Variants in IL7 observed in about 807,000 individuals in gnomAD.
IL7 encodes the protein interleukin 7.
A neutral mutation model predicts 21.6 loss-of-function variants in IL7; 3 were observed. That is an observed-to-expected ratio of 0.14 (90% CI 0.06 to 0.36). The LOEUF (loss-of-function observed/expected upper bound fraction) is 0.36. IL7 is among the 10% of genes least tolerant of loss of function. The pLI is 1.00. For synonymous variants in IL7, 62 were observed against 68.1 expected (o/e 0.91, Z 0.44); for missense variants, 175 against 200.2 (o/e 0.87, Z 0.76).
chr8:78,739,292 T>G (rs1351460883), intron 3 of IL7, among the ~76,000 whole-genome samples: 1 of 152,170 alleles, frequency 6.6e-6, no homozygotes, highest in Admixed American at 6.5e-5. Context: ...CATTTAGAGA[T>G]AAGCAAATAT....
intron 2 of IL7, among the ~76,000 whole-genome samples, chr8:78,754,838 T>C (rs1586072723): frequency 6.6e-6 from 1 of 152,264 alleles, no homozygotes; most frequent in East Asian, 1.9e-4. Context: ...TTTAGTTTAA[T>C]ACAGTCACAT....
At chr8:78,701,063 A>C (rs1435319182) in intron 3 of IL7, among the ~76,000 whole-genome samples, 1 of 152,194 alleles carries the variant, frequency 6.6e-6, no homozygotes, top group Non-Finnish European at 1.5e-5. Context: ...ATAGCATTGA[A>C]TCTATAAATT....
chr8:78,694,489 T>A (rs1810332477), intron 3 of IL7, among the ~76,000 whole-genome samples: 1 of 152,180 alleles, frequency 6.6e-6, no homozygotes, highest in Non-Finnish European at 1.5e-5. Context: ...ATTGGCTTAG[T>A]TTGCTTGACC....
chr8:78,695,460 C>T (rs888777854), intron 3 of IL7, among the ~76,000 whole-genome samples: 53 of 152,136 alleles, frequency 3.5e-4, no homozygotes, highest in African/African-American at 1.1e-3. Context: ...GCCACATCAG[C>T]GCACTTTGTT....
intron 3 of IL7, among the ~76,000 whole-genome samples, chr8:78,692,263 A>G (rs925541731): frequency 6.6e-6 from 1 of 151,964 alleles, no homozygotes; most frequent in Non-Finnish European, 1.5e-5. Flanking sequence ...ATTGTTTTAG[A>G]TTCTACATGT....
chr8:78,717,291 C>G (rs780097833), downstream of IL7: 1 of 1,583,258 alleles, frequency 6.3e-7, no homozygotes. Flanking sequence ...ACTACTGATA[C>G]AAACTTTATC....
rs1293219444 is a variant in IL7 at position 78,733,444 on chromosome 8, TTG to T, written c.*267_*268del. The T allele has an allele frequency of 3.7e-6, 1 of 270,238 alleles. No homozygotes were observed. The highest frequency in any genetic ancestry group is 2.3e-5 in the African/African-American group (1 of 44,412). 16.7% of individuals were successfully genotyped at this position (270,238 alleles called of 1,614,324 possible). On this transcript the variant is annotated 3_prime_UTR_variant, in exon 6 of 6. Coordinates refer to ENST00000263851, the MANE Select transcript of IL7 (RefSeq NM_000880.4). ...TATTGCAACTGATACCTTACATGGA[TTG>T]TCTTACAAAAATCAGTACAGAATTA...
chr8:78,709,008 G>A (rs1198736157), intron 3 of IL7, among the ~76,000 whole-genome samples: 3 of 152,160 alleles, frequency 2.0e-5, no homozygotes, highest in African/African-American at 7.2e-5. Context: ...TAGAAATACA[G>A]TGAAACACAG....
At chr8:78,696,404 T>C (rs62518982) in intron 3 of IL7, among the ~76,000 whole-genome samples, 8,674 of 152,246 alleles carry the variant, frequency 0.057, 300 homozygotes, top group Middle Eastern at 0.082. Context: ...TATGCAAGTA[T>C]GATTTTCACC....
chr8:78,778,245 G>A (rs1478820025), intron 2 of IL7, among the ~76,000 whole-genome samples: 1 of 152,030 alleles, frequency 6.6e-6, no homozygotes, highest in Non-Finnish European at 1.5e-5. Context: ...ATGCAAAATT[G>A]CATGGAAAGG....
intron 3 of IL7, among the ~76,000 whole-genome samples, chr8:78,711,331 C>T (rs1484893539): frequency 1.3e-5 from 2 of 152,064 alleles, no homozygotes; most frequent in East Asian, 3.9e-4. Context: ...GTTTGTCCTG[C>T]TATCCTCTAG....
At chr8:78,764,456 C>G (rs1812685615) in intron 2 of IL7, among the ~76,000 whole-genome samples, 1 of 151,838 alleles carries the variant, frequency 6.6e-6, no homozygotes, top group African/African-American at 2.4e-5. Flanking sequence ...GTAAAAAAGT[C>G]TCTGATAACT....
At position 78,700,899 on chromosome 8, in the gene IL7, G is replaced by A. The variant is rs1415624875; in HGVS notation, n.215-14952C>T. ...ATGCTGTTTTGATTACTGTAGCCCT[G>A]TAGTATAGCTGGAAGTCAGGCAGCA... On this transcript the variant is annotated intron_variant and non_coding_transcript_variant, in intron 3 of 4. Coordinates refer to the IL7 transcript ENST00000523959. Among the ~76,000 whole-genome samples, 3 of 152,156 alleles carry A rather than the reference G, an allele frequency of 2.0e-5. No individual in the cohort carries two copies. In the East Asian group the frequency reaches 5.8e-4, roughly 29 times the overall value.
At chr8:78,718,955 T>C (rs916159951) in intron 6 of IL7, 3 of 151,794 alleles carry the variant, frequency 2.0e-5, no homozygotes, top group African/African-American at 7.2e-5. Flanking sequence ...TTTATTAGCT[T>C]AGTTTAGTTT....
intron 4 of IL7, chr8:78,678,480 A>G: frequency 1.0e-6 from 1 of 982,524 alleles, no homozygotes; most frequent in African/African-American, 1.7e-5. Context: ...AGATTTTTAA[A>G]CTGGTCTCAA....
intron 1 of IL7, among the ~76,000 whole-genome samples, chr8:78,801,426 T>G (rs1324549982): frequency 6.6e-6 from 1 of 152,114 alleles, no homozygotes; most frequent in Non-Finnish European, 1.5e-5. Flanking sequence ...AAAAGTTGAA[T>G]AGCAATAAAA....
chr8:78,758,746 A>T (rs1392243256), intron 2 of IL7, among the ~76,000 whole-genome samples: 1 of 151,944 alleles, frequency 6.6e-6, no homozygotes, highest in Non-Finnish European at 1.5e-5. Flanking sequence ...CCAACATGTG[A>T]CTTGATGTTT....
chr8:78,712,816 A>G (rs555846311), intron 3 of IL7, among the ~76,000 whole-genome samples: 1 of 152,218 alleles, frequency 6.6e-6, no homozygotes, highest in African/African-American at 2.4e-5. Context: ...TAATATACCT[A>G]TTAATGGTGG....
At chr8:78,793,269 G>A (rs1181398558) in intron 2 of IL7, among the ~76,000 whole-genome samples, 1 of 152,054 alleles carries the variant, frequency 6.6e-6, no homozygotes, top group South Asian at 2.1e-4. Flanking sequence ...CTGCTAATGG[G>A]TAGAATATTT....
Sources: gnomAD v4.1 joint callset for allele counts (sites outside exome capture counted in the v4.1 genomes callset) on GRCh38, gnomAD v4.1.1 for gene constraint, MANE v1.5 for transcripts, NCBI Gene and HGNC (gene_info 2026-07-23, HGNC 2026-07-21) for gene names.